The following SLCO3A1 variants were observed in gnomAD, a reference collection of about 807,000 sequenced individuals.
The protein encoded by SLCO3A1 is solute carrier organic anion transporter family member 3A1.
A neutral mutation model predicts 63.1 loss-of-function variants in SLCO3A1; 27 were observed. The ratio of observed to expected loss-of-function variants is 0.43; its 90% CI spans 0.32 to 0.59. The LOEUF (loss-of-function observed/expected upper bound fraction) is 0.59, where lower values mean the gene tolerates loss of function less well. Among genes scored for constraint, SLCO3A1 ranks in the 20% least tolerant of loss-of-function variants. The pLI is 0.09. For synonymous variants in SLCO3A1, 473 were observed against 409.9 expected (o/e 1.15, Z -1.86); for missense variants, 773 against 945.8 (o/e 0.82, Z 2.40).
rs1897532404 is a variant in SLCO3A1 at position 91,880,170 on chromosome 15, C to CATCTATCTATATATCTATCT, written c.180+26092_180+26093insATATCTATCTATCTATCTAT. Among the ~76,000 whole-genome samples the CATCTATCTATATATCTATCT allele has an allele frequency of 2.4e-5, 3 of 126,186 alleles. No individual in the cohort carries two copies. In the Admixed American group the frequency reaches 2.5e-4, roughly 10 times the overall value. The allele number at this position is 126,186 out of a possible 152,430, so 82.8% of individuals were successfully genotyped here. ...CCATCCATCCATCCATCCATCCATC[C>CATCTATCTATATATCTATCT]ATCTATCTATCTATCTATCTATCTA... On this transcript the variant is annotated intron_variant, in intron 1 of 9. Transcript: ENST00000318445.
intron 9 of SLCO3A1, chr15:92,161,985 G>A (rs554545601): frequency 1.1e-4 from 16 of 152,220 alleles, no homozygotes; most frequent in African/African-American, 3.6e-4. Flanking sequence ...ATGAGACTAC[G>A]CTGCTTTCAC....
intron 10 of SLCO3A1, chr15:92,171,677 T>C: frequency 1.2e-6 from 1 of 836,346 alleles, no homozygotes; most frequent in Non-Finnish European, 2.0e-6. Context: ...GTCCCTTCAC[T>C]GCAAAGCCAT....
chr15:91,969,824 G>A (rs370223118), intron 2 of SLCO3A1, among the ~76,000 whole-genome samples: 50 of 152,114 alleles, frequency 3.3e-4, no homozygotes, highest in Non-Finnish European at 6.9e-4. Flanking sequence ...TCCTGGTGGC[G>A]GGGGCTGGTC....
At chr15:91,984,479 T>C (rs529010936) in intron 2 of SLCO3A1, among the ~76,000 whole-genome samples, 1 of 152,342 alleles carries the variant, frequency 6.6e-6, no homozygotes, top group African/African-American at 2.4e-5. Context: ...TACATTCAGA[T>C]AAGAGGTTCC....
chr15:92,144,345 A>T (rs941923954), intron 7 of SLCO3A1, among the ~76,000 whole-genome samples: 1 of 152,300 alleles, frequency 6.6e-6, no homozygotes, highest in Non-Finnish European at 1.5e-5. Flanking sequence ...GAAACAGAGA[A>T]AGAAGGGTGT....
At chr15:91,970,597 C>G (rs1900823270) in intron 2 of SLCO3A1, among the ~76,000 whole-genome samples, 1 of 152,190 alleles carries the variant, frequency 6.6e-6, no homozygotes, top group African/African-American at 2.4e-5. Flanking sequence ...CAGGGACTCA[C>G]AAGGAGCCCT....
intron 1 of SLCO3A1, chr15:91,889,083 G>A: frequency 1.0e-6 from 1 of 974,248 alleles, no homozygotes; most frequent in Non-Finnish European, 1.3e-6. Flanking sequence ...GCTAACATTT[G>A]TGTACTTGTT....
At chr15:91,973,411 T>G (rs1900959415) in intron 2 of SLCO3A1, among the ~76,000 whole-genome samples, 1 of 152,200 alleles carries the variant, frequency 6.6e-6, no homozygotes, top group Admixed American at 6.5e-5. Context: ...GAATTTAAAT[T>G]CAAACCTGTG....
downstream of SLCO3A1, among the ~76,000 whole-genome samples, chr15:92,167,406 T>C (rs971628911): frequency 2.6e-5 from 4 of 152,270 alleles, no homozygotes; most frequent in Non-Finnish European, 4.4e-5. Context: ...CAAGAGAGGG[T>C]GCTAGTGAAA....
At chr15:92,107,083 G>A (rs565060038) in intron 4 of SLCO3A1, among the ~76,000 whole-genome samples, 3 of 152,328 alleles carry the variant, frequency 2.0e-5, no homozygotes, top group Admixed American at 6.5e-5. Context: ...ATGAGCTGCC[G>A]TTGAGCTGAC....
Position 91,872,673 on chromosome 15 carries a change from C to T in SLCO3A1, c.180+18585C>T, listed in dbSNP as rs551189976. Among the ~76,000 whole-genome samples, 11 of 152,308 alleles carry T rather than the reference C, an allele frequency of 7.2e-5. No individual in the cohort carries two copies. The South Asian group carries it at 1.0e-3, about 14-fold the overall frequency. ...GATCACACCACGCCTTGAAAAAATT[C>T]GCAGCTGAATGCTTCAGTGTCTTGA... On this transcript the variant is annotated intron_variant, in intron 1 of 9. Transcript: ENST00000318445. This position sits in a 1 kb window ranked among gnomAD's most constrained non-coding sequence, Gnocchi z 4.1.
intron 2 of SLCO3A1, among the ~76,000 whole-genome samples, chr15:91,939,198 C>A (rs1233442174): frequency 6.6e-6 from 1 of 152,130 alleles, no homozygotes; most frequent in African/African-American, 2.4e-5. Flanking sequence ...AAAGGAGGAG[C>A]AGGCACGTCA....
intron 2 of SLCO3A1, among the ~76,000 whole-genome samples, chr15:92,039,447 G>A (rs1458946506): frequency 6.6e-6 from 1 of 152,152 alleles, no homozygotes; most frequent in African/African-American, 2.4e-5. Context: ...ACATTTATGT[G>A]ACTATCAAAC....
Position 91,911,291 on chromosome 15 carries a change from G to T in SLCO3A1, c.181-4702G>T, listed in dbSNP as rs115298817. On this transcript the variant is annotated intron_variant, in intron 1 of 9. Coordinates refer to ENST00000318445, the MANE Select transcript of SLCO3A1 (RefSeq NM_013272.4). ...CTTAAACTCTTTCATCTTTTGAATG[G>T]GGGAAGGCTAGTTGAGAAGAGGAAG... Among the ~76,000 whole-genome samples, 378 of 152,284 alleles carry T rather than the reference G, an allele frequency of 2.5e-3. 3 individuals are homozygous for T. The highest frequency in any genetic ancestry group is 8.6e-3 in the African/African-American group (358 of 41,552).
chr15:92,116,216 A>C lies in SLCO3A1; in HGVS notation c.1010-4249A>C, dbSNP rs7168515. On this transcript the variant is annotated intron_variant, in intron 4 of 9. Coordinates refer to ENST00000318445, the MANE Select transcript of SLCO3A1 (RefSeq NM_013272.4). Reference sequence around the variant, plus strand: ...TAAGCATTTAGAACGGCATTTTTGCACAAAGGAAATGCTCTGTCAACGTTA... The same window carrying C: ...TAAGCATTTAGAACGGCATTTTTGCCCAAAGGAAATGCTCTGTCAACGTTA... Among the ~76,000 whole-genome samples, 1,053 of 152,320 alleles carry C rather than the reference A, an allele frequency of 6.9e-3. 12 individuals are homozygous for C. Among genetic ancestry groups the C allele is most frequent in the African/African-American group, 0.024 (1,003 of 41,570 alleles).
intron 1 of SLCO3A1, among the ~76,000 whole-genome samples, chr15:91,893,501 G>A (rs1021896227): frequency 6.6e-6 from 1 of 152,116 alleles, no homozygotes; most frequent in African/African-American, 2.4e-5. Flanking sequence ...CAGGCCAAAG[G>A]GTGTGGCAAC....
intron 8 of SLCO3A1, 41 bp from the exon 9 acceptor site, chr15:92,150,909 A>AAAATCTGGTTTTTT: frequency 6.6e-7 from 1 of 1,511,904 alleles, no homozygotes; most frequent in Non-Finnish European, 9.1e-7. Context: ...GGGAATGATA[A>AAAATCTGGTTTTTT]AAATCTGGTT....
intron 8 of SLCO3A1, chr15:92,148,892 A>G (rs1351044523): frequency 2.0e-5 from 3 of 152,244 alleles, no homozygotes; most frequent in Admixed American, 6.5e-5. Context: ...GAAATGAACT[A>G]TTGAATTTAA....
chr15:91,876,451 G>T (rs376036576), intron 1 of SLCO3A1, among the ~76,000 whole-genome samples: 7 of 152,242 alleles, frequency 4.6e-5, no homozygotes, highest in Non-Finnish European at 1.0e-4. Flanking sequence ...CGGTCTGGAT[G>T]TTACCACCCA....
Sources: allele counts gnomAD v4.1 joint callset (sites outside exome capture counted in the v4.1 genomes callset), GRCh38; gene constraint gnomAD v4.1.1; non-coding constraint Gnocchi (gnomAD v3.1); transcripts MANE v1.5; gene names NCBI Gene and HGNC (gene_info 2026-07-23, HGNC 2026-07-21).